The following CC2D2A variants were observed in gnomAD, a reference collection of about 807,000 sequenced individuals.
CC2D2A encodes the protein coiled-coil and C2 domain-containing protein 2A.
Under a neutral mutation model 212.9 loss-of-function variants are expected in CC2D2A, and 155 were observed. That is an observed-to-expected ratio of 0.73 (90% CI 0.64 to 0.83). The LOEUF is 0.83. Ranked by LOEUF, CC2D2A falls within the 40% of genes least tolerant of loss-of-function variation. The probability of loss-of-function intolerance (pLI) is 0.00; values close to 1 mark genes in which losing one functional copy is unlikely to be tolerated. For missense variants in CC2D2A, 1,856 were observed against 1,956.2 expected, an observed-to-expected ratio of 0.95 and a Z score of 0.97; for synonymous variants, 667 against 686.5, an observed-to-expected ratio of 0.97 and a Z score of 0.44.
rs1363256569 is a variant in CC2D2A, at chr4:15,552,168, AT to A, written c.2339-989del. Among the ~76,000 whole-genome samples the A allele has an allele frequency of 1.1e-4, 16 of 152,302 alleles. No homozygotes were observed. In the South Asian group the frequency reaches 3.1e-3, roughly 30 times the overall value. On this transcript the variant is annotated intron_variant, in intron 18 of 36. Coordinates refer to ENST00000424120, the MANE Select transcript of CC2D2A (RefSeq NM_001378615.1). Reference sequence around the variant, plus strand: ...AGAGCGTTTTTACCATTAAATTCCCATCGGTAGAGGCCAAATCAGTGAGAGT... The same window carrying A: ...AGAGCGTTTTTACCATTAAATTCCCACGGTAGAGGCCAAATCAGTGAGAGT...
intron 4 of CC2D2A, among the ~76,000 whole-genome samples, chr4:15,499,367 T>C (rs769657870): frequency 6.6e-6 from 1 of 152,204 alleles, no homozygotes; most frequent in Non-Finnish European, 1.5e-5. Flanking sequence ...GGCTGGAATA[T>C]ATGGGAAGTC....
rs1247027472 is a variant in CC2D2A, at chr4:15,563,384, C to T, written c.3044C>T (p.Ala1015Val). 1.2e-6 allele frequency: 2 copies of T among 1,606,078 alleles called. No homozygotes were observed. Among genetic ancestry groups the T allele is most frequent in the Admixed American group, 1.7e-5 (1 of 58,658 alleles). ...TTGGGCCTAAGCCTTTTCAAGCTGG[C>T]AGAACAAAAGCGACCACTGCGGCCA... is the stretch of plus-strand genomic sequence containing the variant. The part of the protein sequence containing the change: ...SILGLSLFKL[A>V]EQKRPLRPRR... Residue 1015 changes from alanine to valine, a missense_variant, in exon 24 of 37, where the codon GCA becomes GTA. Ala to Val is a moderately conservative substitution (Grantham distance 64, BLOSUM62 0). Transcript: ENST00000424120.
chr4:15,503,476 C>G (rs1372701153), intron 6 of CC2D2A, among the ~76,000 whole-genome samples: 2 of 152,172 alleles, frequency 1.3e-5, no homozygotes, highest in African/African-American at 4.8e-5. Flanking sequence ...TGAAACCACC[C>G]TGGGTCACAG....
chr4:15,501,414 C>T lies in CC2D2A; in HGVS notation c.248-1015C>T, dbSNP rs559196569. ...CATCCTGTGGTACAGCTTCTGAAAA[C>T]GCTGCTTGCATTCATGTCCTCCTCC... On this transcript the variant is annotated intron_variant, in intron 4 of 36. Transcript: ENST00000424120. Among the ~76,000 whole-genome samples the T allele has an allele frequency of 1.1e-4, 17 of 152,214 alleles. No individual in the cohort carries two copies. In the South Asian group the frequency reaches 1.7e-3, roughly 15 times the overall value.
At chr4:15,534,961 A>T (rs1312697584) in intron 14 of CC2D2A, among the ~76,000 whole-genome samples, 1 of 151,902 alleles carries the variant, frequency 6.6e-6, no homozygotes, top group Admixed American at 6.6e-5. Context: ...TCAGCCAAAG[A>T]TAGCTGCAAA....
intron 11 of CC2D2A, among the ~76,000 whole-genome samples, chr4:15,518,980 A>G (rs1263364239): frequency 1.3e-5 from 2 of 152,304 alleles, no homozygotes; most frequent in East Asian, 3.9e-4. Flanking sequence ...CTTGGTGATA[A>G]ACATTCGGCT....
chr4:15,557,765 T>C (rs1002171227), intron 21 of CC2D2A, among the ~76,000 whole-genome samples: 1 of 152,178 alleles, frequency 6.6e-6, no homozygotes, highest in Non-Finnish European at 1.5e-5. Context: ...ACAATTAGAA[T>C]TGTAGGGTTG....
At chr4:15,542,366 T>C (rs1008492529) in intron 17 of CC2D2A, among the ~76,000 whole-genome samples, 1 of 152,172 alleles carries the variant, frequency 6.6e-6, no homozygotes, top group Non-Finnish European at 1.5e-5. Flanking sequence ...GTGGCATGCA[T>C]GCCCTTGTTT....
chr4:15,571,270 G>C (rs1488610921), intron 28 of CC2D2A, among the ~76,000 whole-genome samples: 1 of 152,152 alleles, frequency 6.6e-6, no homozygotes, highest in Non-Finnish European at 1.5e-5. Flanking sequence ...TTTAAAACAT[G>C]AAAAATGCAG....
chr4:15,473,089 T>A (rs1026312925), intron 1 of CC2D2A: 11 of 152,210 alleles, frequency 7.2e-5, no homozygotes, highest in African/African-American at 2.7e-4. Flanking sequence ...AGAATGTGGC[T>A]ATGGAACCAC....
intron 24 of CC2D2A, among the ~76,000 whole-genome samples, chr4:15,565,236 T>G (rs984848526): frequency 5.3e-5 from 8 of 152,200 alleles, no homozygotes; most frequent in African/African-American, 1.7e-4. Flanking sequence ...CTCCATAGAC[T>G]ATTTTTAAGT....
intron 11 of CC2D2A, 127 bp downstream of exon 11, chr4:15,516,883 A>G (rs1716905981): frequency 1.1e-6 from 1 of 899,030 alleles, no homozygotes; most frequent in Admixed American, 3.2e-5. Flanking sequence ...TCTTACACAT[A>G]AAGAACAAAC....
chr4:15,557,453 A>T lies in CC2D2A; in HGVS notation c.2775A>T (p.Arg925=), dbSNP rs770618386. 1.2e-6 allele frequency: 2 copies of T among 1,612,908 alleles called. No homozygotes were observed. Among genetic ancestry groups the T allele is most frequent in the African/African-American group, 2.7e-5 (2 of 75,034 alleles). Reference sequence around the variant, plus strand: ...GAAGCCAAGAGGTGCCAGAATTCCGAAATTATAAGCAAGTTCCAGTCTATG... The same window carrying T: ...GAAGCCAAGAGGTGCCAGAATTCCGTAATTATAAGCAAGTTCCAGTCTATG... ...HLRSQEVPEF[R]NYKQVPVYDR... Residue 925 remains arginine, a synonymous_variant, in exon 21 of 37, where the codon CGA becomes CGT. Coordinates refer to ENST00000424120, the MANE Select transcript of CC2D2A (RefSeq NM_001378615.1).
chr4:15,570,582 CG>C (rs1720112404), intron 28 of CC2D2A, 86 bp downstream of exon 28: 1 of 893,570 alleles, frequency 1.1e-6, no homozygotes, highest in Non-Finnish European at 1.8e-6. Flanking sequence ...GGGCCAGGCG[CG>C]GTGGCTCATG....
chr4:15,540,581 G>T (rs934353079), intron 16 of CC2D2A, among the ~76,000 whole-genome samples: 10 of 152,160 alleles, frequency 6.6e-5, no homozygotes, highest in African/African-American at 2.4e-4. Context: ...TGAAAAACCT[G>T]AGGAGACTGT....
intron 29 of CC2D2A, among the ~76,000 whole-genome samples, chr4:15,579,456 C>T (rs186704287): frequency 7.0e-4 from 107 of 152,184 alleles, no homozygotes; most frequent in African/African-American, 2.4e-3. Context: ...CTTTGAGATC[C>T]ATTACTATTA....
At chr4:15,595,070 C>T (rs899433709) in intron 33 of CC2D2A, among the ~76,000 whole-genome samples, 1 of 152,144 alleles carries the variant, frequency 6.6e-6, no homozygotes, top group African/African-American at 2.4e-5. Context: ...CCGCTTTGGC[C>T]TCCCAAACTG....
At chr4:15,533,384 A>G in intron 14 of CC2D2A, 51 bp downstream of exon 14, 1 of 1,277,284 alleles carries the variant, frequency 7.8e-7, no homozygotes, top group South Asian at 1.5e-5. Context: ...ACATTAAGAA[A>G]AATGTATAAA....
At chr4:15,535,247 C>G (rs980639346) in intron 14 of CC2D2A, among the ~76,000 whole-genome samples, 1 of 152,120 alleles carries the variant, frequency 6.6e-6, no homozygotes, top group Non-Finnish European at 1.5e-5. Flanking sequence ...AGAAGCAGTA[C>G]AGAAATCCTT....
Sources: allele counts gnomAD v4.1 joint callset (sites outside exome capture counted in the v4.1 genomes callset), GRCh38; gene constraint gnomAD v4.1.1; transcripts MANE v1.5; gene names NCBI Gene and HGNC (gene_info 2026-07-23, HGNC 2026-07-21).